The following GABRA2 variants were observed in gnomAD, a reference collection of about 807,000 sequenced individuals.
The protein encoded by GABRA2 is gamma-aminobutyric acid type A receptor subunit alpha2.
In GABRA2, 16 loss-of-function variants were observed where a neutral mutation model predicts 48.7. That is an observed-to-expected ratio of 0.33 (90% confidence interval 0.22 to 0.50). The LOEUF is 0.50. Among genes scored for constraint, GABRA2 ranks in the 20% least tolerant of loss-of-function variants. GABRA2 has a pLI of 0.98. For missense variants in GABRA2, 275 were observed against 535.6 expected (o/e 0.51, Z 4.80); for synonymous variants, 185 against 184.5 (o/e 1.00, Z -0.02).
At chr4:46,269,983 C>G (rs1428232972) in intron 8 of GABRA2, among the ~76,000 whole-genome samples, 2 of 151,782 alleles carry the variant, frequency 1.3e-5, no homozygotes, top group African/African-American at 2.4e-5. Context: ...GATGGTTGCA[C>G]TAATACTGAT....
Position 46,250,518 on chromosome 4 carries a change from T to C in GABRA2, c.1146A>G (p.Pro382=), listed in dbSNP as rs753313894. 1.9e-5 allele frequency: 30 copies of C among 1,611,780 alleles called. No homozygotes were observed. In the East Asian group the frequency reaches 4.5e-4, roughly 24 times the overall value. Residue 382 remains proline (P), a synonymous_variant, in exon 10 of 10, where the codon CCA becomes CCG. Transcript: ENST00000381620. ...CACTCTTGGAGATGGTGGAGAGAACTGGATCTTTTGAAAGATTCGGGGCAT... is the reference window on the plus strand; with the variant it reads ...CACTCTTGGAGATGGTGGAGAGAACCGGATCTTTTGAAAGATTCGGGGCAT... ...ANYAPNLSKD[P]VLSTISKSAT...
chr4:46,289,194 C>T (rs1723117106), intron 8 of GABRA2, among the ~76,000 whole-genome samples: 1 of 152,164 alleles, frequency 6.6e-6, no homozygotes, highest in Non-Finnish European at 1.5e-5. Flanking sequence ...CCCGTAAGCT[C>T]ATTACTGGGT....
At chr4:46,326,142 A>G (rs1730333053) in intron 4 of GABRA2, among the ~76,000 whole-genome samples, 1 of 151,944 alleles carries the variant, frequency 6.6e-6, no homozygotes, top group Non-Finnish European at 1.5e-5. Flanking sequence ...GATAGGAATA[A>G]ATCTTATTTA....
chr4:46,339,195 T>C (rs1732778360), intron 3 of GABRA2, among the ~76,000 whole-genome samples: 1 of 151,904 alleles, frequency 6.6e-6, no homozygotes, highest in African/African-American at 2.4e-5. Flanking sequence ...ATGAGACACA[T>C]GTGGCCATTT....
At chr4:46,378,632 G>A (rs934155922) in intron 3 of GABRA2, among the ~76,000 whole-genome samples, 10 of 149,978 alleles carry the variant, frequency 6.7e-5, no homozygotes, top group South Asian at 2.1e-4. Context: ...CCCCCTCTGC[G>A]AGAAACACCC....
At chr4:46,324,358 C>T (rs35551036) in intron 4 of GABRA2, among the ~76,000 whole-genome samples, 4,169 of 151,896 alleles carry the variant, frequency 0.027, 70 homozygotes, top group South Asian at 0.041. Flanking sequence ...CAACTATCTA[C>T]ATGTATTGAT....
chr4:46,385,009 A>T lies in GABRA2; in HGVS notation c.187+1065T>A, dbSNP rs377364662. 2.0e-5 allele frequency among the ~76,000 whole-genome samples: 3 copies of T among 151,334 alleles called. No individual in the cohort carries two copies. In the East Asian group the frequency reaches 5.8e-4, roughly 29 times the overall value. ...ACTAATAGAAATTAAATGGCATATT[A>T]TTGAACCAGTTGGGTCTCTTCCAAC... On this transcript the variant is annotated intron_variant, in intron 3 of 9. Transcript: ENST00000381620.
intron 9 of GABRA2, among the ~76,000 whole-genome samples, chr4:46,254,719 C>A (rs1211645606): frequency 6.6e-6 from 1 of 151,478 alleles, no homozygotes; most frequent in East Asian, 2.0e-4. Context: ...GAAAGCTATG[C>A]GTGAATGACT....
At chr4:46,263,912 TTCTCTC>T (rs3068324) in intron 8 of GABRA2, among the ~76,000 whole-genome samples, 5,430 of 144,786 alleles carry the variant, frequency 0.038, 84 homozygotes, top group Middle Eastern at 0.042. Context: ...ATTAGATCAA[TTCTCTC>T]TCTCTCTCTC....
At position 46,247,625 on chromosome 4, in the gene GABRA2, A is replaced by C. The variant is rs1713958979; in HGVS notation, c.*2683T>G. Among the ~76,000 whole-genome samples the C allele has an allele frequency of 6.6e-6, 1 of 151,440 alleles. No individual in the cohort carries two copies. The highest frequency in any genetic ancestry group is 6.6e-5 in the Admixed American group (1 of 15,142). On this transcript the variant is annotated 3_prime_UTR_variant, in exon 10 of 10. Coordinates refer to ENST00000381620, the MANE Select transcript of GABRA2 (RefSeq NM_000807.4). The stretch of plus-strand genomic sequence containing the variant: ...ATGTCATTGTACAACTGCATAAAAT[A>C]GGTATAATCTTATGGGCCAAAGAGA...
chr4:46,370,454 G>T (rs1714713533), intron 3 of GABRA2, among the ~76,000 whole-genome samples: 1 of 152,176 alleles, frequency 6.6e-6, no homozygotes, highest in South Asian at 2.1e-4. Context: ...TTCAAGTGGA[G>T]GTAGATCTAT....
Position 46,353,747 on chromosome 4 carries a change from C to A in GABRA2, c.188-21065G>T, listed in dbSNP as rs1735530230. On this transcript the variant is annotated intron_variant, in intron 3 of 9. Coordinates refer to ENST00000381620, the MANE Select transcript of GABRA2 (RefSeq NM_000807.4). ...CTCAATGAGGCTAATATTAACAGCACCATATAAACTGAAAAAAAGTTGTTC... is the reference window on the plus strand; with the variant it reads ...CTCAATGAGGCTAATATTAACAGCAACATATAAACTGAAAAAAAGTTGTTC... 2.0e-5 allele frequency among the ~76,000 whole-genome samples: 3 copies of A among 152,212 alleles called. No individual in the cohort carries two copies. In the South Asian group the frequency reaches 6.2e-4, roughly 32 times the overall value.
At chr4:46,316,866 T>G (rs1375566916) in intron 4 of GABRA2, among the ~76,000 whole-genome samples, 1 of 151,980 alleles carries the variant, frequency 6.6e-6, no homozygotes, top group Non-Finnish European at 1.5e-5. Context: ...TTCTTTCTCT[T>G]GACAATGGCA....
intron 9 of GABRA2, among the ~76,000 whole-genome samples, chr4:46,254,251 C>G (rs1001070415): frequency 6.6e-6 from 1 of 151,424 alleles, no homozygotes; most frequent in African/African-American, 2.4e-5. Context: ...GCCACACCAT[C>G]AGCAGGTTGA....
In GABRA2 at chr4:46,262,010, G is replaced by A. The variant is rs1243977956; in HGVS notation, c.975C>T (p.Phe325=). 1.2e-6 allele frequency: 2 copies of A among 1,613,666 alleles called. No individual in the cohort carries two copies. Among genetic ancestry groups the A allele is most frequent in the Non-Finnish European group, 1.7e-6 (2 of 1,179,854 alleles). The change falls in exon 9 of 10, where the codon TTC becomes TTT. Residue 325 remains phenylalanine (F), a synonymous_variant. Transcript: ENST00000381620. ...WFIAVCYAFV[F]SALIEFATVN... ...CAGTTGCAAATTCAATTAGGGCAGA[G>A]AACACAAATGCATAACAAACAGCAA...
chr4:46,253,225 C>G (rs145741461), intron 9 of GABRA2, among the ~76,000 whole-genome samples: 1 of 151,208 alleles, frequency 6.6e-6, no homozygotes, highest in Non-Finnish European at 1.5e-5. Flanking sequence ...TAATTTTAAC[C>G]AATATTTTCT....
At chr4:46,331,969 C>A (rs1731435470) in intron 4 of GABRA2, among the ~76,000 whole-genome samples, 1 of 152,092 alleles carries the variant, frequency 6.6e-6, no homozygotes, top group African/African-American at 2.4e-5. Flanking sequence ...GCAGTCCTCC[C>A]ACCTCAGCCT....
chr4:46,378,193 A>G (rs1716219217), intron 3 of GABRA2, among the ~76,000 whole-genome samples: 1 of 152,040 alleles, frequency 6.6e-6, no homozygotes, highest in Admixed American at 6.5e-5. Context: ...CCATGATGAC[A>G]ATGGCGGTTT....
At chr4:46,277,398 C>T (rs1214854856) in intron 8 of GABRA2, among the ~76,000 whole-genome samples, 2 of 152,080 alleles carry the variant, frequency 1.3e-5, no homozygotes, top group Non-Finnish European at 2.9e-5. Context: ...GTTAGCACTC[C>T]CAGCCCATGC....
Sources: allele counts gnomAD v4.1 joint callset (sites outside exome capture counted in the v4.1 genomes callset), GRCh38; gene constraint gnomAD v4.1.1; transcripts MANE v1.5; gene names NCBI Gene and HGNC (gene_info 2026-07-23, HGNC 2026-07-21).